WDFY2: variants seen among roughly 807,000 people sequenced by gnomAD.
WDFY2 encodes WD repeat and FYVE domain-containing protein 2.
A neutral mutation model predicts 56.4 loss-of-function variants in WDFY2; 36 were observed. The ratio of observed to expected loss-of-function variants is 0.64; its 90% confidence interval spans 0.49 to 0.84. WDFY2 has a LOEUF of 0.84. Ranked by LOEUF, WDFY2 falls within the 40% of genes least tolerant of loss-of-function variation. WDFY2 has a pLI of 0.00. For synonymous variants in WDFY2, 176 were observed against 183.7 expected, an observed-to-expected ratio of 0.96 and a Z score of 0.34; for missense variants, 444 against 512.2, an observed-to-expected ratio of 0.87 and a Z score of 1.29.
chr13:51,694,665 G>A (rs1182768239), intron 3 of WDFY2, among the ~76,000 whole-genome samples: 2 of 152,066 alleles, frequency 1.3e-5, no homozygotes, highest in African/African-American at 4.8e-5. Context: ...GTGTCTTGGA[G>A]TTGCTCTTCT....
intron 1 of WDFY2, among the ~76,000 whole-genome samples, chr13:51,652,037 C>A (rs1384135638): frequency 6.6e-6 from 1 of 152,170 alleles, no homozygotes; most frequent in Non-Finnish European, 1.5e-5. Context: ...GTGTGGGAGT[C>A]TACATCTCTC....
chr13:51,601,804 T>G (rs1341508242), intron 1 of WDFY2, among the ~76,000 whole-genome samples: 1 of 152,140 alleles, frequency 6.6e-6, no homozygotes, highest in Non-Finnish European at 1.5e-5. Flanking sequence ...ATGCCACCTC[T>G]CCATGAGGCG....
chr13:51,678,147 AC>A (rs1250925190), intron 3 of WDFY2, among the ~76,000 whole-genome samples: 2 of 152,178 alleles, frequency 1.3e-5, no homozygotes, highest in African/African-American at 4.8e-5. Flanking sequence ...CCTGAGCCCT[AC>A]CAATTGAAAT....
At chr13:51,601,662 C>T (rs1196662318) in intron 1 of WDFY2, among the ~76,000 whole-genome samples, 2 of 152,158 alleles carry the variant, frequency 1.3e-5, no homozygotes, top group Non-Finnish European at 2.9e-5. Context: ...GTGATCCACC[C>T]GCCTTGGCCT....
In WDFY2 at chr13:51,759,802, A is replaced by C. The variant is rs1953523697; in HGVS notation, c.*33A>C. 6.2e-7 allele frequency: 1 copy of C among 1,611,022 alleles called. No homozygotes were observed. Among genetic ancestry groups the C allele is most frequent in the Non-Finnish European group, 8.5e-7 (1 of 1,177,794 alleles). On this transcript the variant is annotated 3_prime_UTR_variant, in exon 12 of 12. Transcript: ENST00000298125. The stretch of plus-strand genomic sequence containing the variant: ...CCCAGGAATCAGAAAGATAGTATTT[A>C]CTAAAGAAACGGTTGTTTTAACCCA...
At chr13:51,738,823 G>A (rs867411903) in intron 6 of WDFY2, among the ~76,000 whole-genome samples, 3 of 152,098 alleles carry the variant, frequency 2.0e-5, no homozygotes, top group African/African-American at 7.2e-5. Flanking sequence ...GGTCTTTACA[G>A]TAATTGATTT....
At chr13:51,668,036 C>T (rs945255999) in intron 2 of WDFY2, among the ~76,000 whole-genome samples, 12 of 151,610 alleles carry the variant, frequency 7.9e-5, no homozygotes, top group South Asian at 2.1e-4. Flanking sequence ...GGACTACAGG[C>T]GTCCGCCACT....
chr13:51,624,793 T>C (rs571787915), intron 1 of WDFY2, among the ~76,000 whole-genome samples: 2 of 152,188 alleles, frequency 1.3e-5, no homozygotes, highest in Non-Finnish European at 2.9e-5. Flanking sequence ...GGGGGTTTGC[T>C]CTGGGGCTAT....
At chr13:51,588,503 G>C (rs1167976085) in intron 1 of WDFY2, 1 of 152,200 alleles carries the variant, frequency 6.6e-6, no homozygotes, top group East Asian at 1.9e-4. Flanking sequence ...TCCCTTCCTA[G>C]GAGTTAACAA....
chr13:51,661,278 C>G (rs938370434), intron 2 of WDFY2, among the ~76,000 whole-genome samples: 14 of 152,056 alleles, frequency 9.2e-5, no homozygotes, highest in Non-Finnish European at 1.5e-5. Context: ...ACCTGGCCCC[C>G]CAAAATAGGA....
At chr13:51,757,203 G>A (rs1953413835) in intron 10 of WDFY2, among the ~76,000 whole-genome samples, 1 of 152,058 alleles carries the variant, frequency 6.6e-6, no homozygotes, top group Non-Finnish European at 1.5e-5. Context: ...AGATGCCCTT[G>A]CATAAGTATG....
At chr13:51,758,849 T>G (rs753023756) in intron 11 of WDFY2, among the ~76,000 whole-genome samples, 9 of 152,158 alleles carry the variant, frequency 5.9e-5, no homozygotes, top group Non-Finnish European at 1.3e-4. Flanking sequence ...TAACCCACTT[T>G]GGAAGCTACC....
intron 2 of WDFY2, among the ~76,000 whole-genome samples, chr13:51,670,243 G>C (rs940553535): frequency 3.3e-5 from 5 of 151,890 alleles, no homozygotes; most frequent in Non-Finnish European, 5.9e-5. Context: ...TAGTTTTTTT[G>C]CTTTTTTGTT....
intron 3 of WDFY2, among the ~76,000 whole-genome samples, chr13:51,695,551 TCAGAGGAGTACC>T (rs1015114742): frequency 2.6e-5 from 4 of 152,158 alleles, no homozygotes; most frequent in African/African-American, 9.7e-5. Context: ...ATGTTTTGTC[TCAGAGGAGTACC>T]CAGCTGTGTG....
chr13:51,619,141 T>C (rs1258762408), intron 1 of WDFY2, among the ~76,000 whole-genome samples: 2 of 152,186 alleles, frequency 1.3e-5, no homozygotes, highest in African/African-American at 4.8e-5. Flanking sequence ...ACTTCCTCCA[T>C]CTTCAAAAAC....
chr13:51,620,484 C>G (rs1037800114), intron 1 of WDFY2, among the ~76,000 whole-genome samples: 2 of 152,104 alleles, frequency 1.3e-5, no homozygotes, highest in Non-Finnish European at 2.9e-5. Context: ...GGGTCTCTGT[C>G]TTATCCTTCA....
intron 4 of WDFY2, among the ~76,000 whole-genome samples, chr13:51,711,532 T>C (rs1952216789): frequency 6.6e-6 from 1 of 152,150 alleles, no homozygotes; most frequent in African/African-American, 2.4e-5. Flanking sequence ...ATTTTTACAA[T>C]CTACCCATCT....
intron 3 of WDFY2, among the ~76,000 whole-genome samples, chr13:51,680,975 T>G (rs1015274744): frequency 1.3e-5 from 2 of 152,160 alleles, no homozygotes; most frequent in African/African-American, 4.8e-5. Context: ...CCAGCCACTG[T>G]TAAAAAATAT....
chr13:51,711,477 G>T (rs1253980716), intron 4 of WDFY2, among the ~76,000 whole-genome samples: 22 of 149,548 alleles, frequency 1.5e-4, no homozygotes, highest in Admixed American at 3.3e-4. Flanking sequence ...CACAGCAAAA[G>T]AAACTACCAT....
Sources: allele counts gnomAD v4.1 joint callset (sites outside exome capture counted in the v4.1 genomes callset), GRCh38; gene constraint gnomAD v4.1.1; transcripts MANE v1.5; gene names NCBI Gene and HGNC (gene_info 2026-07-23, HGNC 2026-07-21).